The following PDZRN3 variants were observed in gnomAD, a reference collection of about 807,000 sequenced individuals.
PDZRN3 encodes the protein PDZ domain containing ring finger 3.
PDZRN3 carries 38 observed loss-of-function variants against 85.7 expected under a neutral mutation model. That is an observed-to-expected ratio of 0.44 (90% CI 0.34 to 0.58). The LOEUF is 0.58. PDZRN3 is among the 20% of genes least tolerant of loss of function. The pLI is 0.01. For missense variants in PDZRN3, 1,629 were observed against 1,506.4 expected (o/e 1.08, Z -1.35); for synonymous variants, 759 against 638.0 (o/e 1.19, Z -2.86).
intron 3 of PDZRN3, among the ~76,000 whole-genome samples, chr3:73,558,027 T>G (rs1023541614): frequency 6.6e-6 from 1 of 152,220 alleles, no homozygotes; most frequent in African/African-American, 2.4e-5. Flanking sequence ...TTCTATAAAA[T>G]GAAAATGCAT....
intron 3 of PDZRN3, among the ~76,000 whole-genome samples, chr3:73,507,593 G>A (rs1358344959): frequency 6.6e-6 from 1 of 152,232 alleles, no homozygotes; most frequent in Non-Finnish European, 1.5e-5. Flanking sequence ...AAATGAAACT[G>A]TATCACTTCT....
At chr3:73,537,221 A>C (rs1010270045) in intron 3 of PDZRN3, among the ~76,000 whole-genome samples, 3 of 152,118 alleles carry the variant, frequency 2.0e-5, no homozygotes, top group African/African-American at 7.2e-5. Flanking sequence ...TCCTCTTTCC[A>C]AGTGGAAAGA....
intron 3 of PDZRN3, among the ~76,000 whole-genome samples, chr3:73,529,820 T>G (rs1176956773): frequency 6.6e-6 from 1 of 152,226 alleles, no homozygotes; most frequent in East Asian, 1.9e-4. Flanking sequence ...GTTCTGCCAC[T>G]TCATTAAATG....
At chr3:73,416,779 A>G (rs1353408330) in intron 3 of PDZRN3, among the ~76,000 whole-genome samples, 1 of 151,068 alleles carries the variant, frequency 6.6e-6, no homozygotes, top group Admixed American at 6.6e-5. Context: ...TGTTCTTCAC[A>G]TGAACTGTCC....
At chr3:73,612,349 G>A (rs1330984447) in intron 1 of PDZRN3, among the ~76,000 whole-genome samples, 1 of 152,294 alleles carries the variant, frequency 6.6e-6, no homozygotes, top group Non-Finnish European at 1.5e-5. Context: ...GCTGGTAAAT[G>A]TTTGCACCCT....
At chr3:73,488,547 T>C (rs1165144844) in intron 3 of PDZRN3, among the ~76,000 whole-genome samples, 2 of 152,178 alleles carry the variant, frequency 1.3e-5, no homozygotes, top group Non-Finnish European at 2.9e-5. Context: ...TGACTTGTCA[T>C]CCAAGAAGCC....
At chr3:73,481,318 AAATT>A (rs1216761993) in intron 3 of PDZRN3, among the ~76,000 whole-genome samples, 1 of 152,232 alleles carries the variant, frequency 6.6e-6, no homozygotes, top group Non-Finnish European at 1.5e-5. Flanking sequence ...CAATTTATTA[AAATT>A]AATAAAATGT....
chr3:73,561,014 C>A (rs147600092), intron 3 of PDZRN3, among the ~76,000 whole-genome samples: 1 of 152,158 alleles, frequency 6.6e-6, no homozygotes, highest in Non-Finnish European at 1.5e-5. Context: ...TCTGGGGAAA[C>A]CATGTAAAAA....
At chr3:73,526,522 C>T (rs1293879893) in intron 3 of PDZRN3, among the ~76,000 whole-genome samples, 1 of 152,176 alleles carries the variant, frequency 6.6e-6, no homozygotes, top group Admixed American at 6.5e-5. Flanking sequence ...CATCCAGGAG[C>T]AGTCAGAAAC....
chr3:73,414,565 T>A (rs992411076), intron 3 of PDZRN3, among the ~76,000 whole-genome samples: 1 of 152,238 alleles, frequency 6.6e-6, no homozygotes, highest in Non-Finnish European at 1.5e-5. Context: ...AAAACTTTCA[T>A]TAAATTGATT....
At chr3:73,402,941 CTTT>C (rs140037400) in intron 4 of PDZRN3, among the ~76,000 whole-genome samples, 142 of 115,482 alleles carry the variant, frequency 1.2e-3, no homozygotes, top group East Asian at 0.011. Flanking sequence ...ACATGAAAAG[CTTT>C]TTTTTTTTTT....
chr3:73,616,595 G>C (rs966099535), intron 1 of PDZRN3, among the ~76,000 whole-genome samples: 1 of 152,170 alleles, frequency 6.6e-6, no homozygotes, highest in Non-Finnish European at 1.5e-5. Flanking sequence ...GGCAGCAGGA[G>C]GCTTACAATG....
chr3:73,403,445 AATG>A (rs1399304257), intron 4 of PDZRN3, among the ~76,000 whole-genome samples: 2 of 152,164 alleles, frequency 1.3e-5, no homozygotes, highest in Admixed American at 1.3e-4. Flanking sequence ...TTAATCCTTC[AATG>A]ATAAGAGATT....
At chr3:73,613,122 ATCTT>A (rs1236991321) in intron 1 of PDZRN3, among the ~76,000 whole-genome samples, 1 of 152,222 alleles carries the variant, frequency 6.6e-6, no homozygotes, top group Non-Finnish European at 1.5e-5. Context: ...AACTGTATCT[ATCTT>A]TCTCCATGAC....
At chr3:73,401,085 C>A (rs1701739684) in intron 4 of PDZRN3, 76 bp from the exon 5 acceptor site, 1 of 1,044,866 alleles carries the variant, frequency 9.6e-7, no homozygotes, top group African/African-American at 1.6e-5. Context: ...ATTGTCAGGC[C>A]AGTGGCACAG....
intron 3 of PDZRN3, among the ~76,000 whole-genome samples, chr3:73,533,625 T>C (rs1308256079): frequency 5.3e-5 from 8 of 152,136 alleles, no homozygotes; most frequent in Admixed American, 4.6e-4. Flanking sequence ...AAACAGATTA[T>C]CCACCAAATG....
At chr3:73,589,608 T>TA (rs1702325400) in intron 3 of PDZRN3, among the ~76,000 whole-genome samples, 1 of 152,188 alleles carries the variant, frequency 6.6e-6, no homozygotes, top group South Asian at 2.1e-4. Context: ...AACCTAAACT[T>TA]ACCTATAAAT....
intron 3 of PDZRN3, among the ~76,000 whole-genome samples, chr3:73,421,777 AGCTGG>A (rs1702208086): frequency 1.3e-5 from 2 of 152,028 alleles, no homozygotes. Context: ...CCTCCCAAGT[AGCTGG>A]GACTACAGGT....
At chr3:73,545,606 A>T (rs910750700) in intron 3 of PDZRN3, among the ~76,000 whole-genome samples, 1 of 152,184 alleles carries the variant, frequency 6.6e-6, no homozygotes, top group South Asian at 2.1e-4. Flanking sequence ...GGAATTGCCA[A>T]TGTCCAACCA....
Sources: allele counts gnomAD v4.1 joint callset (sites outside exome capture counted in the v4.1 genomes callset), GRCh38; gene constraint gnomAD v4.1.1; transcripts MANE v1.5; gene names NCBI Gene and HGNC (gene_info 2026-07-23, HGNC 2026-07-21).